Variants in KSR2 observed in about 807,000 individuals in gnomAD.
The protein encoded by KSR2 is kinase suppressor of ras 2.
A neutral mutation model predicts 107.8 loss-of-function variants in KSR2; 25 were observed. That is an observed-to-expected ratio of 0.23 (90% CI 0.17 to 0.32). The LOEUF (loss-of-function observed/expected upper bound fraction) is 0.32. Ranked by LOEUF, KSR2 falls within the 10% of genes least tolerant of loss-of-function variation. The pLI is 1.00. For missense variants in KSR2, 887 were observed against 1,268.9 expected (o/e 0.70, Z 4.57); for synonymous variants, 480 against 507.0 (o/e 0.95, Z 0.71).
At chr12:117,593,077 A>C (rs1438415858) in intron 5 of KSR2, among the ~76,000 whole-genome samples, 1 of 152,166 alleles carries the variant, frequency 6.6e-6, no homozygotes, top group Non-Finnish European at 1.5e-5. Flanking sequence ...AGCCCTGAGC[A>C]TGTGCAAAGG....
chr12:117,943,081 C>T (rs541311437), intron 1 of KSR2, among the ~76,000 whole-genome samples: 3 of 152,086 alleles, frequency 2.0e-5, no homozygotes, highest in Non-Finnish European at 2.9e-5. Context: ...TCTTAAGAAA[C>T]ATAAACATAC....
intron 1 of KSR2, among the ~76,000 whole-genome samples, chr12:117,964,008 CGGGTG>C (rs1896727635): frequency 6.6e-6 from 1 of 152,136 alleles, no homozygotes; most frequent in Non-Finnish European, 1.5e-5. Context: ...ATCCTTGGGC[CGGGTG>C]CAGTGGCTCA....
intron 3 of KSR2, among the ~76,000 whole-genome samples, chr12:117,794,559 A>G (rs1890540345): frequency 1.3e-5 from 2 of 149,756 alleles, no homozygotes; most frequent in South Asian, 4.2e-4. Context: ...ACCAACATGC[A>G]CACACACCAA....
intron 3 of KSR2, among the ~76,000 whole-genome samples, chr12:117,793,169 C>T (rs1218922349): frequency 1.4e-5 from 2 of 145,158 alleles, no homozygotes; most frequent in South Asian, 2.2e-4. Context: ...CGCACACCAA[C>T]ATGTACACAC....
At chr12:117,936,518 TTATTATTATTATTATTAGTAGTAG>T (rs1895845128) in intron 1 of KSR2, among the ~76,000 whole-genome samples, 2 of 39,702 alleles carry the variant, frequency 5.0e-5, no homozygotes, top group South Asian at 1.4e-3. Context: ...TATTTTATTA[TTATTATTATTATTATTAGTAGTAG>T]TAGTAGTAGT....
At chr12:117,843,707 G>T (rs538546615) in intron 3 of KSR2, among the ~76,000 whole-genome samples, 80 of 152,168 alleles carry the variant, frequency 5.3e-4, no homozygotes, top group Non-Finnish European at 9.3e-4. Context: ...GTCCCTCAAT[G>T]ACCAACAGCC....
At chr12:117,735,646 A>C (rs1887910022) in intron 4 of KSR2, among the ~76,000 whole-genome samples, 1 of 152,140 alleles carries the variant, frequency 6.6e-6, no homozygotes, top group Non-Finnish European at 1.5e-5. Flanking sequence ...TTGTGGTAAA[A>C]CAGTTCTTGG....
At chr12:117,620,516 A>T (rs1303489621) in intron 5 of KSR2, among the ~76,000 whole-genome samples, 1 of 152,162 alleles carries the variant, frequency 6.6e-6, no homozygotes, top group Non-Finnish European at 1.5e-5. Context: ...AAACAAAAAG[A>T]AATACAGACA....
At chr12:117,927,305 G>A (rs564722549) in intron 1 of KSR2, among the ~76,000 whole-genome samples, 4 of 152,190 alleles carry the variant, frequency 2.6e-5, no homozygotes, top group African/African-American at 7.2e-5. Flanking sequence ...GAACCTGGGA[G>A]ATGAAGGTTG....
chr12:117,737,850 G>A (rs1888003991), intron 4 of KSR2, among the ~76,000 whole-genome samples: 1 of 130,478 alleles, frequency 7.7e-6, no homozygotes. Flanking sequence ...CACATCTGAT[G>A]AATCATCCAA....
At chr12:117,820,958 T>C (rs2137078429) in intron 3 of KSR2, among the ~76,000 whole-genome samples, 1 of 150,602 alleles carries the variant, frequency 6.6e-6, no homozygotes, top group South Asian at 2.1e-4. Flanking sequence ...CCCTAAAGAG[T>C]CAAGGTTAAG....
intron 3 of KSR2, among the ~76,000 whole-genome samples, chr12:117,806,690 G>A (rs907483257): frequency 1.3e-5 from 2 of 152,036 alleles, no homozygotes; most frequent in African/African-American, 4.8e-5. Flanking sequence ...TCAGCCCCTG[G>A]CAACACCCAT....
intron 3 of KSR2, among the ~76,000 whole-genome samples, chr12:117,846,292 A>ATTTT (rs35755364): frequency 7.8e-6 from 1 of 127,518 alleles, no homozygotes; most frequent in Non-Finnish European, 1.6e-5. Context: ...TTACCATTTG[A>ATTTT]TTTTTTTTTT....
chr12:117,908,779 A>G (rs1025037130), intron 1 of KSR2, among the ~76,000 whole-genome samples: 5 of 152,276 alleles, frequency 3.3e-5, no homozygotes, highest in East Asian at 3.9e-4. Flanking sequence ...CCAACCTAAT[A>G]CTTCAAATAT....
chr12:117,561,381 G>T (rs960890628), intron 7 of KSR2, among the ~76,000 whole-genome samples: 2 of 152,176 alleles, frequency 1.3e-5, no homozygotes, highest in Admixed American at 6.5e-5. Flanking sequence ...GATGTGTTAG[G>T]TAATATCCTG....
chr12:117,764,004 A>T (rs1011489105), intron 3 of KSR2, among the ~76,000 whole-genome samples: 37 of 152,144 alleles, frequency 2.4e-4, no homozygotes. Flanking sequence ...AACAATAATA[A>T]TTACTATAAC....
At chr12:117,564,908 C>A (rs971604720) in intron 7 of KSR2, among the ~76,000 whole-genome samples, 7 of 152,076 alleles carry the variant, frequency 4.6e-5, no homozygotes, top group African/African-American at 1.7e-4. Context: ...AAATCGTATC[C>A]CTCTTTGTTT....
chr12:117,878,018 A>G (rs1893914957), intron 1 of KSR2, among the ~76,000 whole-genome samples: 2 of 152,158 alleles, frequency 1.3e-5, no homozygotes, highest in South Asian at 4.1e-4. Context: ...GGGTGATCTG[A>G]TTAAATGAAT....
chr12:117,574,673 T>A (rs1013992123), intron 7 of KSR2, among the ~76,000 whole-genome samples: 4 of 152,010 alleles, frequency 2.6e-5, no homozygotes, highest in Non-Finnish European at 5.9e-5. Context: ...CAAGATGAGA[T>A]TTGGGTGGGA....
Sources: allele counts gnomAD v4.1 joint callset (sites outside exome capture counted in the v4.1 genomes callset), GRCh38; gene constraint gnomAD v4.1.1; transcripts MANE v1.5; gene names NCBI Gene and HGNC (gene_info 2026-07-23, HGNC 2026-07-21).